Variants in SGCZ observed in about 807,000 individuals in gnomAD.
The protein encoded by SGCZ is sarcoglycan zeta.
A neutral mutation model predicts 41.3 loss-of-function variants in SGCZ; 40 were observed. The observed-to-expected ratio is 0.97, with a 90% CI of 0.75 to 1.26. The LOEUF is 1.26. Ranked by LOEUF, SGCZ falls within the 50% of genes most tolerant of loss-of-function variation. The pLI, the probability that SGCZ is intolerant of heterozygous loss-of-function variation, is 0.00. For missense variants in SGCZ, 552 were observed against 369.8 expected (o/e 1.49, Z -4.04); for synonymous variants, 206 against 137.5 (o/e 1.50, Z -3.49).
intron 1 of SGCZ, among the ~76,000 whole-genome samples, chr8:14,814,189 A>C (rs1426499896): frequency 6.6e-6 from 1 of 152,184 alleles, no homozygotes; most frequent in Non-Finnish European, 1.5e-5. Flanking sequence ...ATAAATATTT[A>C]TGTTAACGTC....
chr8:15,136,383 C>T (rs1278720562), intron 1 of SGCZ, among the ~76,000 whole-genome samples: 1 of 151,834 alleles, frequency 6.6e-6, no homozygotes, highest in Non-Finnish European at 1.5e-5. Flanking sequence ...GGTGTCACTC[C>T]AGCATACTTG....
At chr8:14,784,281 G>C (rs1162019372) in intron 1 of SGCZ, among the ~76,000 whole-genome samples, 1 of 151,548 alleles carries the variant, frequency 6.6e-6, no homozygotes, top group Admixed American at 6.6e-5. Context: ...TGAACTCCTG[G>C]GTTTATGTGA....
In SGCZ at chr8:15,042,568, A is replaced by G. The variant is rs79639367; in HGVS notation, c.39+195017T>C. 2.5e-3 allele frequency among the ~76,000 whole-genome samples: 381 copies of G among 152,258 alleles called. 1 individual carries two copies. Among genetic ancestry groups the G allele is most frequent in the African/African-American group, 8.9e-3 (369 of 41,564 alleles). Reference sequence around the variant, plus strand: ...TACGTCCTTTATAAATAATATTCCAAATCTACAACCAGATTATTACTTGAT... The same window carrying G: ...TACGTCCTTTATAAATAATATTCCAGATCTACAACCAGATTATTACTTGAT... On this transcript the variant is annotated intron_variant, in intron 1 of 7. Coordinates refer to ENST00000382080, the MANE Select transcript of SGCZ (RefSeq NM_139167.4).
chr8:14,578,672 G>A (rs1804791471), intron 1 of SGCZ, among the ~76,000 whole-genome samples: 1 of 152,136 alleles, frequency 6.6e-6, no homozygotes, highest in Non-Finnish European at 1.5e-5. Flanking sequence ...ATTCGGTGAT[G>A]AATAATAAGG....
intron 1 of SGCZ, among the ~76,000 whole-genome samples, chr8:14,907,419 C>T (rs954173619): frequency 2.0e-5 from 3 of 152,098 alleles, no homozygotes; most frequent in African/African-American, 7.2e-5. Context: ...AACTCCTGGG[C>T]TCAAGTGATC....
At chr8:14,675,952 G>C (rs1053951493) in intron 1 of SGCZ, among the ~76,000 whole-genome samples, 1 of 152,176 alleles carries the variant, frequency 6.6e-6, no homozygotes, top group African/African-American at 2.4e-5. Context: ...ATAGCAGATA[G>C]ATGGAAGGTA....
intron 1 of SGCZ, among the ~76,000 whole-genome samples, chr8:15,045,808 G>A (rs1056687092): frequency 6.6e-6 from 1 of 151,982 alleles, no homozygotes. Context: ...ATTCCCCTCA[G>A]TGCAGACACC....
intron 4 of SGCZ, among the ~76,000 whole-genome samples, chr8:14,216,102 G>A (rs183812444): frequency 2.0e-5 from 3 of 152,174 alleles, no homozygotes; most frequent in African/African-American, 4.8e-5. Flanking sequence ...TAACATGATC[G>A]CCCTCCCCTG....
At chr8:15,114,238 G>A (rs549386681) in intron 1 of SGCZ, among the ~76,000 whole-genome samples, 20 of 152,222 alleles carry the variant, frequency 1.3e-4, no homozygotes, top group African/African-American at 4.6e-4. Flanking sequence ...AAAGTGGAGA[G>A]AACCCTGTCC....
chr8:15,161,274 C>A (rs1799505632), intron 1 of SGCZ, among the ~76,000 whole-genome samples: 1 of 152,162 alleles, frequency 6.6e-6, no homozygotes, highest in African/African-American at 2.4e-5. Flanking sequence ...TTTACCTCCC[C>A]TACTGTCGAC....
At chr8:15,177,957 A>G (rs1800050318) in intron 1 of SGCZ, among the ~76,000 whole-genome samples, 1 of 152,136 alleles carries the variant, frequency 6.6e-6, no homozygotes, top group Non-Finnish European at 1.5e-5. Flanking sequence ...TCCTATAAAG[A>G]GAATACAACA....
intron 4 of SGCZ, among the ~76,000 whole-genome samples, chr8:14,214,230 C>T (rs762985915): frequency 6.6e-6 from 1 of 152,078 alleles, no homozygotes; most frequent in Non-Finnish European, 1.5e-5. Flanking sequence ...AATCGAAGGG[C>T]AGTCTACAAA....
chr8:14,971,296 T>A (rs537654414), intron 1 of SGCZ, among the ~76,000 whole-genome samples: 31 of 152,266 alleles, frequency 2.0e-4, no homozygotes, highest in African/African-American at 7.0e-4. Context: ...GGGTAACATC[T>A]CCAGTATAAT....
At chr8:14,696,671 C>T (rs547410054) in intron 1 of SGCZ, among the ~76,000 whole-genome samples, 7 of 151,976 alleles carry the variant, frequency 4.6e-5, no homozygotes, top group African/African-American at 1.4e-4. Context: ...TTCTCTTTTG[C>T]GTTATGAATT....
At chr8:14,402,249 T>C (rs1271383544) in intron 2 of SGCZ, among the ~76,000 whole-genome samples, 2 of 151,596 alleles carry the variant, frequency 1.3e-5, no homozygotes, top group Non-Finnish European at 2.9e-5. Flanking sequence ...GCCTGTTCAC[T>C]CTGATGGTAG....
intron 2 of SGCZ, among the ~76,000 whole-genome samples, chr8:14,520,873 TA>T (rs1349730779): frequency 1.3e-5 from 2 of 152,096 alleles, no homozygotes; most frequent in African/African-American, 4.8e-5. Flanking sequence ...AGGATGTACT[TA>T]AAAAAATCAA....
intron 1 of SGCZ, among the ~76,000 whole-genome samples, chr8:14,617,653 G>A (rs1181320999): frequency 6.6e-6 from 1 of 152,124 alleles, no homozygotes; most frequent in Non-Finnish European, 1.5e-5. Context: ...CAGGGAAAAT[G>A]TCCAGTTAGG....
At chr8:14,995,200 G>A (rs575507437) in intron 1 of SGCZ, among the ~76,000 whole-genome samples, 1 of 152,258 alleles carries the variant, frequency 6.6e-6, no homozygotes, top group East Asian at 1.9e-4. Context: ...AGATGATTTG[G>A]TTTTATTTCT....
At chr8:15,233,479 T>G (rs1802023506) in intron 1 of SGCZ, among the ~76,000 whole-genome samples, 1 of 152,038 alleles carries the variant, frequency 6.6e-6, no homozygotes, top group South Asian at 2.1e-4. Flanking sequence ...TACCTATGTA[T>G]TTTTTGCTGT....
Sources: gnomAD v4.1 joint callset for allele counts (sites outside exome capture counted in the v4.1 genomes callset) on GRCh38, gnomAD v4.1.1 for gene constraint, MANE v1.5 for transcripts, NCBI Gene and HGNC (gene_info 2026-07-23, HGNC 2026-07-21) for gene names.